Variants in CACNA2D3 observed in about 807,000 individuals in gnomAD.
CACNA2D3 encodes the protein voltage-dependent calcium channel subunit alpha-2/delta-3.
Under a neutral mutation model 160.6 loss-of-function variants are expected in CACNA2D3, and 60 were observed. That is an observed-to-expected ratio of 0.37 (90% CI 0.30 to 0.46). The LOEUF is 0.46. Ranked by LOEUF, CACNA2D3 falls within the 20% of genes least tolerant of loss-of-function variation. The pLI is 1.00. For missense variants in CACNA2D3, 1,205 were observed against 1,365.0 expected, an observed-to-expected ratio of 0.88 and a Z score of 1.85; for synonymous variants, 558 against 492.9, an observed-to-expected ratio of 1.13 and a Z score of -1.75.
chr3:54,218,139 G>T (rs1701497356), intron 2 of CACNA2D3, among the ~76,000 whole-genome samples: 1 of 152,156 alleles, frequency 6.6e-6, no homozygotes, highest in African/African-American at 2.4e-5. Context: ...TGGAGACCAC[G>T]CTCCCACTTT....
chr3:54,127,146 C>T, intron 2 of CACNA2D3, among the ~76,000 whole-genome samples: 1 of 152,248 alleles, frequency 6.6e-6, no homozygotes, highest in Middle Eastern at 3.4e-3. Context: ...CCAATGTTCA[C>T]GGGAATGAAG....
chr3:54,744,560 T>A (rs1219608631), intron 11 of CACNA2D3, among the ~76,000 whole-genome samples: 1 of 152,226 alleles, frequency 6.6e-6, no homozygotes, highest in Non-Finnish European at 1.5e-5. Context: ...ATAGCTCTAG[T>A]GTTCCTGATT....
intron 3 of CACNA2D3, among the ~76,000 whole-genome samples, chr3:54,385,030 T>A (rs1045455759): frequency 6.6e-6 from 1 of 152,154 alleles, no homozygotes. Context: ...CCTAGGTACA[T>A]GGATTTTACA....
intron 4 of CACNA2D3, among the ~76,000 whole-genome samples, chr3:54,475,816 T>TGTGTGTGTGTGTGC (rs1293399116): frequency 1.3e-5 from 2 of 151,188 alleles, no homozygotes; most frequent in Non-Finnish European, 3.0e-5. Flanking sequence ...CATTTGTGTG[T>TGTGTGTGTGTGTGC]GTGTGTGTGT....
rs540465277 is a variant in CACNA2D3, at chr3:54,310,490, G to GC, written c.205-9945dup. Among the ~76,000 whole-genome samples the GC allele has an allele frequency of 3.7e-3, 555 of 151,984 alleles. 3 individuals carry two copies. Among genetic ancestry groups the GC allele is most frequent in the Non-Finnish European group, 6.0e-3 (408 of 67,974 alleles). On this transcript the variant is annotated intron_variant, in intron 2 of 37. Transcript: ENST00000474759. The stretch of plus-strand genomic sequence containing the variant: ...CATATCTAAAAATTGTCTTCCCTCT[G>GC]CCCCCCCAATACACACACACAAATA...
intron 11 of CACNA2D3, among the ~76,000 whole-genome samples, chr3:54,681,672 T>G (rs1700354280): frequency 1.3e-5 from 2 of 152,118 alleles, no homozygotes; most frequent in South Asian, 4.1e-4. Context: ...TAAATGTCTA[T>G]GTGATGCAAG....
At chr3:54,459,550 T>G (rs1275631981) in intron 4 of CACNA2D3, among the ~76,000 whole-genome samples, 4 of 152,070 alleles carry the variant, frequency 2.6e-5, no homozygotes, top group Admixed American at 2.0e-4. Flanking sequence ...TCATGTGTCT[T>G]TTGGCTACAT....
At chr3:54,491,458 C>G (rs992479077) in intron 4 of CACNA2D3, among the ~76,000 whole-genome samples, 2 of 152,196 alleles carry the variant, frequency 1.3e-5, no homozygotes, top group Non-Finnish European at 2.9e-5. Context: ...GCACATTGGA[C>G]TCACCTGGAG....
chr3:54,852,072 A>G (rs1345022865), intron 17 of CACNA2D3, among the ~76,000 whole-genome samples: 1 of 152,184 alleles, frequency 6.6e-6, no homozygotes, highest in Non-Finnish European at 1.5e-5. Flanking sequence ...ACCACCCGTC[A>G]TTGTGCCATC....
intron 34 of CACNA2D3, among the ~76,000 whole-genome samples, chr3:55,011,529 A>C (rs1349788355): frequency 2.0e-5 from 3 of 152,164 alleles, no homozygotes; most frequent in African/African-American, 7.2e-5. Context: ...CCACAGAAAG[A>C]AAAATGATTC....
chr3:54,171,141 T>TTTTTTTTTTA (rs1700560447), intron 2 of CACNA2D3, among the ~76,000 whole-genome samples: 2 of 132,204 alleles, frequency 1.5e-5, no homozygotes, highest in South Asian at 5.6e-4. Flanking sequence ...GATGACTTTT[T>TTTTTTTTTTA]TTTTTTTTTT....
chr3:54,964,345 C>A (rs1407058157), intron 27 of CACNA2D3, among the ~76,000 whole-genome samples: 1 of 152,108 alleles, frequency 6.6e-6, no homozygotes, highest in Admixed American at 6.5e-5. Flanking sequence ...GCACTGTGAC[C>A]TCCGGGGAAA....
chr3:54,611,040 A>G (rs1252297589), intron 9 of CACNA2D3, among the ~76,000 whole-genome samples: 1 of 152,202 alleles, frequency 6.6e-6, no homozygotes, highest in Non-Finnish European at 1.5e-5. Flanking sequence ...GTCTTATCCC[A>G]GAATCCAGGA....
intron 2 of CACNA2D3, among the ~76,000 whole-genome samples, chr3:54,215,311 A>G (rs1701440907): frequency 6.6e-6 from 1 of 152,232 alleles, no homozygotes; most frequent in African/African-American, 2.4e-5. Flanking sequence ...CATCTCCATC[A>G]CCTCACATAC....
chr3:54,237,322 A>G (rs1031869085), intron 2 of CACNA2D3, among the ~76,000 whole-genome samples: 19 of 152,192 alleles, frequency 1.2e-4, no homozygotes, highest in African/African-American at 4.6e-4. Flanking sequence ...GGTAGAGCAG[A>G]GGCTTGGAGA....
At chr3:54,538,686 T>C (rs1430753897) in intron 5 of CACNA2D3, among the ~76,000 whole-genome samples, 1 of 152,186 alleles carries the variant, frequency 6.6e-6, no homozygotes, top group South Asian at 2.1e-4. Flanking sequence ...TGTCCTCCCA[T>C]GCTGCCTTGT....
rs546428492 is a variant in CACNA2D3 at position 54,589,805 on chromosome 3, A to G, written c.963+7928A>G. Among the ~76,000 whole-genome samples the G allele has an allele frequency of 7.9e-5, 12 of 152,244 alleles. No homozygotes were observed. The East Asian group carries it at 2.3e-3, about 29-fold the overall frequency. On this transcript the variant is annotated intron_variant, in intron 9 of 37. Transcript: ENST00000474759. The stretch of plus-strand genomic sequence containing the variant: ...CAAGAAAGTACATGAAAAGATACTC[A>G]GTGTTCTTAGCCATGAAGGGAATGA...
intron 13 of CACNA2D3, among the ~76,000 whole-genome samples, chr3:54,778,229 G>A (rs1389900810): frequency 6.6e-6 from 1 of 152,026 alleles, no homozygotes; most frequent in Non-Finnish European, 1.5e-5. Flanking sequence ...CAGCAAGGGG[G>A]GACATCAGCA....
chr3:54,583,414 C>T (rs1702710820), intron 9 of CACNA2D3, among the ~76,000 whole-genome samples: 1 of 152,150 alleles, frequency 6.6e-6, no homozygotes, highest in Non-Finnish European at 1.5e-5. Flanking sequence ...CTAATCTGGA[C>T]TTCTTATTCT....
Sources: allele counts gnomAD v4.1 joint callset (sites outside exome capture counted in the v4.1 genomes callset), GRCh38; gene constraint gnomAD v4.1.1; transcripts MANE v1.5; gene names NCBI Gene and HGNC (gene_info 2026-07-23, HGNC 2026-07-21).